Variants in ESRRG observed in about 807,000 individuals in gnomAD.
ESRRG encodes the protein estrogen-related receptor gamma.
ESRRG carries 13 observed loss-of-function variants against 44.0 expected under a neutral mutation model. That is an observed-to-expected ratio of 0.30 (90% CI 0.19 to 0.47). ESRRG has a LOEUF of 0.47. ESRRG is among the 20% of genes least tolerant of loss of function. The pLI is 1.00. For missense variants in ESRRG, 395 were observed against 580.6 expected (o/e 0.68, Z 3.29); for synonymous variants, 215 against 214.6 (o/e 1.00, Z -0.02).
chr1:216,762,554 G>T, intron 2 of ESRRG, among the ~76,000 whole-genome samples: 1 of 137,570 alleles, frequency 7.3e-6, no homozygotes, highest in Non-Finnish European at 1.6e-5. Context: ...GGGGACTGTT[G>T]TGGGGTGGGG....
chr1:216,654,326 CTT>C (rs1213144413), intron 2 of ESRRG, among the ~76,000 whole-genome samples: 1 of 151,830 alleles, frequency 6.6e-6, no homozygotes. Flanking sequence ...CCACAAATAA[CTT>C]TAAAAATAGA....
chr1:217,078,571 T>C (rs1457063078), intron 1 of ESRRG, among the ~76,000 whole-genome samples: 1 of 152,142 alleles, frequency 6.6e-6, no homozygotes, highest in Admixed American at 6.5e-5. Flanking sequence ...TCAGGTATGT[T>C]AGCGCAGTCC....
chr1:217,002,163 A>G (rs796789216), intron 1 of ESRRG, among the ~76,000 whole-genome samples: 11 of 152,040 alleles, frequency 7.2e-5, no homozygotes, highest in African/African-American at 2.4e-4. Flanking sequence ...TTAGCTGGGC[A>G]TGGTGGTACA....
At chr1:217,034,960 T>C (rs2082625599) in intron 1 of ESRRG, among the ~76,000 whole-genome samples, 1 of 152,202 alleles carries the variant, frequency 6.6e-6, no homozygotes, top group African/African-American at 2.4e-5. Flanking sequence ...TATATGTTAC[T>C]TTATTTTTAA....
intron 1 of ESRRG, among the ~76,000 whole-genome samples, chr1:217,017,691 A>C (rs562994270): frequency 6.3e-4 from 96 of 152,276 alleles, no homozygotes; most frequent in African/African-American, 2.2e-3. Context: ...AGTTAAGAAT[A>C]ATATCTACGC....
chr1:216,609,971 C>T (rs561725510), intron 3 of ESRRG, among the ~76,000 whole-genome samples: 2 of 152,120 alleles, frequency 1.3e-5, no homozygotes, highest in South Asian at 4.1e-4. Flanking sequence ...TGGCATTTAT[C>T]ACCTCTCAAG....
rs181972722 is a variant in ESRRG at position 216,553,617 on chromosome 1, C to T, written c.862+10602G>A. Among the ~76,000 whole-genome samples, 12 of 152,236 alleles carry T rather than the reference C, an allele frequency of 7.9e-5. No homozygotes were observed. The East Asian group carries it at 9.7e-4, about 12-fold the overall frequency. On this transcript the variant is annotated intron_variant, in intron 5 of 6. Transcript: ENST00000408911. Reference sequence around the variant, plus strand: ...TCAGATTAAGTTGAATTGACTATTGCTCTCAGAATTATCATGGATGGGGTT... The same window carrying T: ...TCAGATTAAGTTGAATTGACTATTGTTCTCAGAATTATCATGGATGGGGTT...
Position 216,505,085 on chromosome 1 carries a change from A to C in ESRRG, c.*1854T>G, listed in dbSNP as rs1436313483. ...ATGAAACATTGAAAAGCTGAACTAC[A>C]TTTCTTTTGTTTGTTAGGATTACAA... is the stretch of plus-strand genomic sequence containing the variant. On this transcript the variant is annotated 3_prime_UTR_variant, in exon 7 of 7. Coordinates refer to ENST00000408911, the MANE Select transcript of ESRRG (RefSeq NM_001438.4). The C allele has an allele frequency of 6.6e-6, 1 of 152,620 alleles. No individual in the cohort carries two copies. The highest frequency in any genetic ancestry group is 1.5e-5 in the Non-Finnish European group (1 of 68,034). 9.5% of individuals were successfully genotyped at this position (152,620 alleles called of 1,614,324 possible). A position where few individuals can be genotyped will look rare whatever the true frequency, so the allele number is the denominator to read the frequency against.
chr1:216,553,675 A>C (rs1193984316), intron 5 of ESRRG, among the ~76,000 whole-genome samples: 1 of 152,172 alleles, frequency 6.6e-6, no homozygotes, highest in Non-Finnish European at 1.5e-5. Flanking sequence ...TCCAAAATAC[A>C]ATGCACTAGT....
chr1:217,078,105 T>C lies in ESRRG; in HGVS notation c.-106+11402A>G, dbSNP rs181815394. ...AATGGTTGATTGCAGCTTTGCCCTG[T>C]ACTATTGCTGCCTAAATCATACATA... On this transcript the variant is annotated intron_variant, in intron 1 of 7. Transcript: ENST00000359162. 13 of 152,362 alleles carry C rather than the reference T, an allele frequency of 8.5e-5. No individual in the cohort carries two copies. The East Asian group carries it at 2.5e-3, about 29-fold the overall frequency. 9.4% of individuals were successfully genotyped at this position (152,362 alleles called of 1,614,324 possible). A position where few individuals can be genotyped will look rare whatever the true frequency, so the allele number is the denominator to read the frequency against.
intron 3 of ESRRG, among the ~76,000 whole-genome samples, chr1:216,631,056 T>TGAGTCCATCAGGTTAAACAGAGGGAAAA (rs2064084528): frequency 6.6e-6 from 1 of 151,240 alleles, no homozygotes; most frequent in Non-Finnish European, 1.5e-5. Flanking sequence ...TCTAGGAAGC[T>TGAGTCCATCAGGTTAAACAGAGGGAAAA]GAGTCCATCA....
intron 1 of ESRRG, among the ~76,000 whole-genome samples, chr1:217,002,594 A>C (rs2077191894): frequency 6.6e-6 from 1 of 152,118 alleles, no homozygotes; most frequent in Non-Finnish European, 1.5e-5. Flanking sequence ...AGTAAATCAC[A>C]GCTGGCCAGT....
At chr1:216,671,260 G>A (rs2075112502) in intron 2 of ESRRG, among the ~76,000 whole-genome samples, 1 of 152,196 alleles carries the variant, frequency 6.6e-6, no homozygotes, top group Non-Finnish European at 1.5e-5. Context: ...GGGAAATAAA[G>A]TTAATTGAGC....
At chr1:216,760,639 G>C (rs1055629837) in intron 2 of ESRRG, among the ~76,000 whole-genome samples, 16 of 151,786 alleles carry the variant, frequency 1.1e-4, no homozygotes, top group Admixed American at 4.6e-4. Context: ...AAATTGAGAG[G>C]GAATAAAGGA....
At chr1:216,555,318 A>T (rs2057303905) in intron 5 of ESRRG, among the ~76,000 whole-genome samples, 1 of 152,186 alleles carries the variant, frequency 6.6e-6, no homozygotes, top group Non-Finnish European at 1.5e-5. Context: ...TACACACTTT[A>T]CTATAAATCA....
rs190611280 is a variant in ESRRG, at chr1:216,604,803, G to T, written c.590-36705C>A. On this transcript the variant is annotated intron_variant, in intron 3 of 6. Coordinates refer to ENST00000408911, the MANE Select transcript of ESRRG (RefSeq NM_001438.4). ...GTACCATCTAAAATATTTGCCTGTT[G>T]TTCCTTGATCTAAACATGCATTCTT... 1.1e-4 allele frequency among the ~76,000 whole-genome samples: 16 copies of T among 152,262 alleles called. No homozygotes were observed. In the East Asian group the frequency reaches 3.1e-3, roughly 29 times the overall value.
At chr1:217,120,999 A>G (rs185208643) in intron 1 of ESRRG, among the ~76,000 whole-genome samples, 1 of 152,162 alleles carries the variant, frequency 6.6e-6, no homozygotes, top group African/African-American at 2.4e-5. Context: ...AGACACACAA[A>G]CAATCCATTA....
chr1:216,999,860 T>G (rs2076806496), intron 1 of ESRRG, among the ~76,000 whole-genome samples: 1 of 152,206 alleles, frequency 6.6e-6, no homozygotes, highest in Non-Finnish European at 1.5e-5. Flanking sequence ...AACCCTTGCA[T>G]CTTCAATGTG....
chr1:216,507,285 T>G, intron 6 of ESRRG, 102 bp from the exon 7 acceptor site: 1 of 765,642 alleles, frequency 1.3e-6, no homozygotes. Flanking sequence ...TTTTTGAACT[T>G]CTCTGAGCTT....
Sources: allele counts gnomAD v4.1 joint callset (sites outside exome capture counted in the v4.1 genomes callset), GRCh38; gene constraint gnomAD v4.1.1; transcripts MANE v1.5; gene names NCBI Gene and HGNC (gene_info 2026-07-23, HGNC 2026-07-21).